Variants in IQCM observed in about 807,000 individuals in gnomAD.
IQCM encodes the protein IQ domain-containing protein M.
Under a neutral mutation model 57.6 loss-of-function variants are expected in IQCM, and 45 were observed. That is an observed-to-expected ratio of 0.78 (90% CI 0.62 to 1.00). The LOEUF (loss-of-function observed/expected upper bound fraction) is 1.00, where lower values mean the gene tolerates loss of function less well. Among genes scored for constraint, IQCM ranks in the 50% least tolerant of loss-of-function variants. The pLI, the probability that IQCM is intolerant of heterozygous loss-of-function variation, is 0.00. For missense variants in IQCM, 468 were observed against 511.6 expected (o/e 0.91, Z 0.82); for synonymous variants, 148 against 158.9 (o/e 0.93, Z 0.51).
At chr4:149,678,030 A>T (rs1761897556) in intron 7 of IQCM, among the ~76,000 whole-genome samples, 1 of 151,882 alleles carries the variant, frequency 6.6e-6, no homozygotes, top group Non-Finnish European at 1.5e-5. Flanking sequence ...CCTAAAAGAT[A>T]TAGAAAATTA....
chr4:149,608,039 C>T (rs1054147570), intron 8 of IQCM, among the ~76,000 whole-genome samples: 1 of 151,638 alleles, frequency 6.6e-6, no homozygotes, highest in Non-Finnish European at 1.5e-5. Flanking sequence ...GTCACTTCAC[C>T]TATAGACACA....
At chr4:149,758,670 TA>T (rs1769216627) in intron 2 of IQCM, among the ~76,000 whole-genome samples, 2 of 150,626 alleles carry the variant, frequency 1.3e-5, no homozygotes. Flanking sequence ...CCAAATATTT[TA>T]ACAGACACCT....
At chr4:149,724,500 C>T (rs1765718036) in intron 5 of IQCM, among the ~76,000 whole-genome samples, 1 of 151,864 alleles carries the variant, frequency 6.6e-6, no homozygotes, top group Non-Finnish European at 1.5e-5. Context: ...CATACACGTA[C>T]ACTCATACAA....
chr4:149,416,474 T>G (rs1733756987), intron 13 of IQCM, among the ~76,000 whole-genome samples: 1 of 152,072 alleles, frequency 6.6e-6, no homozygotes, highest in Non-Finnish European at 1.5e-5. Context: ...TCTCAATTTT[T>G]GGTATACATT....
At chr4:149,446,558 G>A (rs542462814) in intron 12 of IQCM, among the ~76,000 whole-genome samples, 11 of 151,678 alleles carry the variant, frequency 7.3e-5, no homozygotes, top group Admixed American at 1.3e-4. Flanking sequence ...TAAAACATAC[G>A]CAAAACCAGG....
chr4:149,352,724 A>C (rs1388798558), intron 13 of IQCM, among the ~76,000 whole-genome samples: 1 of 152,196 alleles, frequency 6.6e-6, no homozygotes, highest in Non-Finnish European at 1.5e-5. Flanking sequence ...TTTTACATTA[A>C]AGTGTAATCA....
chr4:149,644,752 T>A (rs775986267), intron 7 of IQCM, among the ~76,000 whole-genome samples: 2 of 152,198 alleles, frequency 1.3e-5, no homozygotes, highest in African/African-American at 4.8e-5. Context: ...GAAATGCAGA[T>A]GCTCAGGCCT....
chr4:149,392,370 T>C (rs1731923058), intron 13 of IQCM, among the ~76,000 whole-genome samples: 2 of 152,024 alleles, frequency 1.3e-5, no homozygotes, highest in African/African-American at 4.8e-5. Flanking sequence ...TGTTAATCTC[T>C]ATCAACTGTA....
intron 12 of IQCM, among the ~76,000 whole-genome samples, chr4:149,481,714 T>TTTTTTTTTTTTTTTTTTTTC (rs1740893494): frequency 2.6e-5 from 1 of 39,048 alleles, no homozygotes; most frequent in African/African-American, 7.8e-5. Context: ...TTTTTTTTTT[T>TTTTTTTTTTTTTTTTTTTTC]TTTTTTTTGC....
At chr4:149,392,092 T>C (rs1731896238) in intron 13 of IQCM, among the ~76,000 whole-genome samples, 1 of 150,438 alleles carries the variant, frequency 6.6e-6, no homozygotes, top group Non-Finnish European at 1.5e-5. Context: ...AATATGATTG[T>C]TCAGTTGTCT....
intron 2 of IQCM, among the ~76,000 whole-genome samples, chr4:149,752,385 C>A (rs1054388683): frequency 7.9e-5 from 12 of 152,014 alleles, no homozygotes; most frequent in Non-Finnish European, 1.5e-4. Flanking sequence ...AACCCCATCT[C>A]TACTAAAAAT....
At chr4:149,575,862 GGC>G (rs201061056) in intron 9 of IQCM, among the ~76,000 whole-genome samples, 108 of 8,486 alleles carry the variant, frequency 0.013, no homozygotes, top group East Asian at 0.071. Context: ...ACATTTTCCA[GGC>G]GCATGATATC....
chr4:149,726,071 A>AAAAGAAAGAAAGAAAGAAAGAAAG (rs529190046), intron 5 of IQCM, among the ~76,000 whole-genome samples: 1 of 94,748 alleles, frequency 1.1e-5, no homozygotes, highest in Non-Finnish European at 2.0e-5. Flanking sequence ...TCTTCCCTCT[A>AAAAGAAAGAAAGAAAGAAAGAAAG]AAAGAAAGAA....
intron 12 of IQCM, among the ~76,000 whole-genome samples, chr4:149,535,447 T>C (rs1025100567): frequency 2.6e-5 from 4 of 152,014 alleles, no homozygotes; most frequent in African/African-American, 7.2e-5. Flanking sequence ...GACTTGCTAG[T>C]GGCTCTCCGC....
chr4:149,716,067 G>A (rs574322074), intron 5 of IQCM, among the ~76,000 whole-genome samples: 3 of 152,308 alleles, frequency 2.0e-5, no homozygotes, highest in Non-Finnish European at 4.4e-5. Flanking sequence ...TCCCCAGCTC[G>A]AAGGTGAGGC....
chr4:149,647,693 A>G (rs1758770614), intron 7 of IQCM, among the ~76,000 whole-genome samples: 1 of 149,318 alleles, frequency 6.7e-6, no homozygotes, highest in South Asian at 2.1e-4. Context: ...GGTTTTCTTC[A>G]TCTTCACTAT....
chr4:149,549,238 G>A (rs1413219731), intron 11 of IQCM, among the ~76,000 whole-genome samples: 3 of 152,294 alleles, frequency 2.0e-5, no homozygotes, highest in African/African-American at 7.2e-5. Context: ...ATTGATGGCC[G>A]GGCGCGGTGG....
chr4:149,600,161 G>A (rs1000299511), intron 8 of IQCM, among the ~76,000 whole-genome samples: 2 of 152,148 alleles, frequency 1.3e-5, no homozygotes, highest in Admixed American at 6.6e-5. Context: ...CATTCTAAAT[G>A]ATGAGTTCTG....
intron 13 of IQCM, among the ~76,000 whole-genome samples, chr4:149,424,696 C>T: frequency 6.6e-6 from 1 of 151,920 alleles, no homozygotes; most frequent in African/African-American, 2.4e-5. Flanking sequence ...TATTCAATGA[C>T]ATAACTGTAA....
Sources: gnomAD v4.1 joint callset for allele counts (sites outside exome capture counted in the v4.1 genomes callset) on GRCh38, gnomAD v4.1.1 for gene constraint, MANE v1.5 for transcripts, NCBI Gene and HGNC (gene_info 2026-07-23, HGNC 2026-07-21) for gene names.